The following DLC1 variants were observed in gnomAD, a reference collection of about 807,000 sequenced individuals.
The protein encoded by DLC1 is DLC1 Rho GTPase activating protein, also known as rho GTPase-activating protein 7.
Under a neutral mutation model 140.3 loss-of-function variants are expected in DLC1, and 54 were observed. The ratio of observed to expected loss-of-function variants is 0.38; its 90% CI spans 0.31 to 0.48. The LOEUF (loss-of-function observed/expected upper bound fraction) is 0.48, where lower values mean the gene tolerates loss of function less well. Among genes scored for constraint, DLC1 ranks in the 20% least tolerant of loss-of-function variants. DLC1 has a pLI of 0.96. For synonymous variants in DLC1, 986 were observed against 728.1 expected (o/e 1.35, Z -5.70); for missense variants, 2,536 against 1,907.0 (o/e 1.33, Z -6.14).
intron 1 of DLC1, among the ~76,000 whole-genome samples, chr8:13,506,175 A>G (rs923748506): frequency 2.0e-5 from 3 of 152,190 alleles, no homozygotes; most frequent in Non-Finnish European, 4.4e-5. Context: ...ACACACACAT[A>G]TATACACATA....
At chr8:13,379,602 T>C (rs1417634643) in intron 4 of DLC1, among the ~76,000 whole-genome samples, 1 of 152,206 alleles carries the variant, frequency 6.6e-6, no homozygotes, top group African/African-American at 2.4e-5. Context: ...TCATTGTAAA[T>C]TGGGGACCCT....
intron 2 of DLC1, among the ~76,000 whole-genome samples, chr8:13,480,802 G>A (rs1369903337): frequency 6.6e-6 from 1 of 152,150 alleles, no homozygotes; most frequent in African/African-American, 2.4e-5. Flanking sequence ...TACTAGGGAG[G>A]CTGAGGCAGG....
At chr8:13,580,242 C>T (rs1044721927) in intron 1 of DLC1, among the ~76,000 whole-genome samples, 8 of 152,072 alleles carry the variant, frequency 5.3e-5, no homozygotes, top group African/African-American at 1.7e-4. Flanking sequence ...CCTGCCTCAG[C>T]CTCCCGAGTA....
At chr8:13,307,604 T>A (rs1207892276) in intron 4 of DLC1, among the ~76,000 whole-genome samples, 1 of 152,116 alleles carries the variant, frequency 6.6e-6, no homozygotes, top group African/African-American at 2.4e-5. Context: ...AACAGAAAAA[T>A]AAAACAGAAA....
intron 4 of DLC1, chr8:13,339,490 G>A (rs993420123): frequency 6.6e-6 from 1 of 152,142 alleles, no homozygotes; most frequent in African/African-American, 2.4e-5. Flanking sequence ...ACAGATTACA[G>A]GTGAGTATTT....
chr8:13,571,073 G>A (rs1047616639), intron 1 of DLC1, among the ~76,000 whole-genome samples: 1 of 152,166 alleles, frequency 6.6e-6, no homozygotes, highest in Non-Finnish European at 1.5e-5. Flanking sequence ...GCTGAATATT[G>A]ATGTTACCTA....
At position 13,499,849 on chromosome 8, in the gene DLC1, C is replaced by G. The variant is rs764219984; in HGVS notation, c.223G>C (p.Gly75Arg). ...TTTGAAAGATGACCCATTGGCCTCC[C>G]AGGAAAATCTCTCAGCTCTGATCCA... is the stretch of plus-strand genomic sequence containing the variant. Reference protein sequence around the residue: ...CHGSELRDFPGRPMGHLSKDV... With the variant: ...CHGSELRDFPRRPMGHLSKDV... The change falls in exon 2 of 18, where the codon GGG becomes CGG. Residue 75 changes from glycine (G) to arginine (R), a missense_variant. Coordinates refer to ENST00000276297, the MANE Select transcript of DLC1 (RefSeq NM_182643.3). 7 of 1,613,940 alleles carry G rather than the reference C, an allele frequency of 4.3e-6. No individual in the cohort carries two copies. In the African/African-American group the frequency reaches 9.3e-5, roughly 22 times the overall value.
intron 2 of DLC1, among the ~76,000 whole-genome samples, chr8:13,481,053 T>C (rs1800709356): frequency 6.6e-6 from 1 of 152,040 alleles, no homozygotes; most frequent in Non-Finnish European, 1.5e-5. Context: ...ATAAAGGAAA[T>C]GAGTATGAGA....
At chr8:13,553,773 C>T (rs909083629) in intron 1 of DLC1, among the ~76,000 whole-genome samples, 8 of 152,276 alleles carry the variant, frequency 5.3e-5, no homozygotes, top group East Asian at 1.9e-4. Flanking sequence ...TTGATCCCTA[C>T]ACCTTCAAAA....
chr8:13,235,046 T>G (rs142163829), intron 5 of DLC1, among the ~76,000 whole-genome samples: 4 of 152,200 alleles, frequency 2.6e-5, no homozygotes, highest in African/African-American at 9.6e-5. Context: ...TACAATCAAT[T>G]TAGTTATGAC....
intron 2 of DLC1, among the ~76,000 whole-genome samples, chr8:13,425,116 G>A (rs571684514): frequency 6.7e-6 from 1 of 150,052 alleles, no homozygotes; most frequent in East Asian, 2.0e-4. Context: ...AGAACACAAT[G>A]TGCAGTAAAA....
At chr8:13,567,434 A>G in intron 1 of DLC1, 1 of 1,552,020 alleles carries the variant, frequency 6.4e-7, no homozygotes, top group Non-Finnish European at 8.7e-7. Context: ...AGCAGACATA[A>G]AAAGCTGCAT....
chr8:13,376,940 G>T (rs1040991848), intron 4 of DLC1, among the ~76,000 whole-genome samples: 7 of 152,142 alleles, frequency 4.6e-5, no homozygotes, highest in African/African-American at 1.7e-4. Flanking sequence ...TCAGCAGATT[G>T]TAAATATAAA....
At chr8:13,491,469 G>A (rs1380383478) in intron 2 of DLC1, among the ~76,000 whole-genome samples, 3 of 152,138 alleles carry the variant, frequency 2.0e-5, no homozygotes, top group African/African-American at 7.2e-5. Context: ...TAATATGTAT[G>A]TTATAGAACA....
At chr8:13,473,182 G>GGT (rs890606190) in intron 2 of DLC1, among the ~76,000 whole-genome samples, 1 of 152,254 alleles carries the variant, frequency 6.6e-6, no homozygotes, top group African/African-American at 2.4e-5. Context: ...CAGGAAGACA[G>GGT]GTTTTCAGTA....
At chr8:13,198,343 A>G (rs983997873) in intron 5 of DLC1, among the ~76,000 whole-genome samples, 1 of 152,158 alleles carries the variant, frequency 6.6e-6, no homozygotes, top group African/African-American at 2.4e-5. Context: ...ACCATTTACA[A>G]AGGCAAAGGA....
chr8:13,380,591 C>T (rs1328871860), intron 4 of DLC1, among the ~76,000 whole-genome samples: 1 of 152,064 alleles, frequency 6.6e-6, no homozygotes, highest in East Asian at 1.9e-4. Flanking sequence ...CAAAAAATAC[C>T]ACTATAACCT....
intron 5 of DLC1, among the ~76,000 whole-genome samples, chr8:13,143,041 C>CT (rs1282188982): frequency 9.0e-6 from 1 of 111,078 alleles, no homozygotes. Flanking sequence ...GAAACTCCGT[C>CT]TCAAAAAAAA....
At chr8:13,443,077 C>T (rs1164978050) in intron 2 of DLC1, among the ~76,000 whole-genome samples, 2 of 151,860 alleles carry the variant, frequency 1.3e-5, no homozygotes, top group Admixed American at 6.6e-5. Context: ...AGCTGGAAAC[C>T]ATCATTCTCA....
Sources: gnomAD v4.1 joint callset for allele counts (sites outside exome capture counted in the v4.1 genomes callset) on GRCh38, gnomAD v4.1.1 for gene constraint, MANE v1.5 for transcripts, NCBI Gene and HGNC (gene_info 2026-07-23, HGNC 2026-07-21) for gene names.